The following ZFHX3 variants were observed in gnomAD, a reference collection of about 807,000 sequenced individuals.
ZFHX3 encodes the protein zinc finger homeobox protein 3.
ZFHX3 carries 42 observed loss-of-function variants against 279.1 expected under a neutral mutation model. The ratio of observed to expected loss-of-function variants is 0.15; its 90% confidence interval spans 0.12 to 0.19. ZFHX3 has a LOEUF of 0.19. ZFHX3 is among the 10% of genes least tolerant of loss of function. The pLI is 1.00. For synonymous variants in ZFHX3, 2,293 were observed against 1,957.8 expected (o/e 1.17, Z -4.52); for missense variants, 4,981 against 4,754.0 (o/e 1.05, Z -1.40).
At chr16:72,906,386 T>G (rs1369190242) in intron 3 of ZFHX3, among the ~76,000 whole-genome samples, 1 of 151,758 alleles carries the variant, frequency 6.6e-6, no homozygotes, top group African/African-American at 2.4e-5. Context: ...TGGGGGGGCA[T>G]GGGACCGGGG....
At chr16:73,592,755 A>G (rs1335787368) in intron 2 of ZFHX3, among the ~76,000 whole-genome samples, 1 of 152,112 alleles carries the variant, frequency 6.6e-6, no homozygotes, top group African/African-American at 2.4e-5. Flanking sequence ...TTTTAAATAG[A>G]GACAAATAGA....
At chr16:73,599,096 C>T (rs151322632) in intron 2 of ZFHX3, among the ~76,000 whole-genome samples, 14 of 152,332 alleles carry the variant, frequency 9.2e-5, no homozygotes, top group African/African-American at 3.4e-4. Context: ...TTTCTTCATA[C>T]TATCATAGTT....
At chr16:73,447,863 A>C (rs2018214440) in intron 3 of ZFHX3, among the ~76,000 whole-genome samples, 1 of 152,228 alleles carries the variant, frequency 6.6e-6, no homozygotes, top group Non-Finnish European at 1.5e-5. Context: ...GTCCTCTCAG[A>C]CTAAAGCTTT....
At chr16:73,738,774 C>T (rs1257875991) in intron 1 of ZFHX3, among the ~76,000 whole-genome samples, 1 of 152,168 alleles carries the variant, frequency 6.6e-6, no homozygotes, top group African/African-American at 2.4e-5. Flanking sequence ...CCAGTTTGCA[C>T]TCAAATTCAT....
intron 5 of ZFHX3, among the ~76,000 whole-genome samples, chr16:73,215,310 T>A (rs1327572688): frequency 6.6e-6 from 1 of 152,204 alleles, no homozygotes; most frequent in Non-Finnish European, 1.5e-5. Flanking sequence ...TCTACCCATT[T>A]TTCATGACAA....
intron 3 of ZFHX3, among the ~76,000 whole-genome samples, chr16:73,347,001 G>A (rs755542067): frequency 6.6e-6 from 1 of 152,164 alleles, no homozygotes; most frequent in East Asian, 1.9e-4. Context: ...TACAAGGGGA[G>A]GAAATTGAAG....
intron 3 of ZFHX3, among the ~76,000 whole-genome samples, chr16:73,379,210 G>C (rs1403482072): frequency 6.6e-6 from 1 of 152,174 alleles, no homozygotes; most frequent in East Asian, 1.9e-4. Context: ...TCATGGAGGA[G>C]TAAAGGTGTT....
chr16:73,195,654 T>C lies in ZFHX3; in HGVS notation c.-1103-51823A>G, dbSNP rs866432618. ...GGCTGGTCCTGAATTCCTGACCTTG[T>C]GATCCATCTGCCTTGGCCTTTCAAA... On this transcript the variant is annotated intron_variant, in intron 5 of 17. Coordinates refer to the ZFHX3 transcript ENST00000641206. Among the ~76,000 whole-genome samples, 29 of 152,230 alleles carry C rather than the reference T, an allele frequency of 1.9e-4. 1 individual carries two copies. The highest frequency in any genetic ancestry group is 5.2e-4 in the Admixed American group (8 of 15,284).
intron 3 of ZFHX3, among the ~76,000 whole-genome samples, chr16:73,366,726 GT>G (rs2016537841): frequency 6.6e-6 from 1 of 152,130 alleles, no homozygotes; most frequent in South Asian, 2.1e-4. Flanking sequence ...GCATGTGTGT[GT>G]GTGTGCGTGC....
At chr16:73,695,888 C>T (rs933827019) in intron 1 of ZFHX3, among the ~76,000 whole-genome samples, 3 of 151,994 alleles carry the variant, frequency 2.0e-5, no homozygotes, top group African/African-American at 7.3e-5. Context: ...GACTCAGCTG[C>T]GTAAGGGGCC....
chr16:72,986,525 C>T (rs1306340897), intron 1 of ZFHX3, among the ~76,000 whole-genome samples: 1 of 152,108 alleles, frequency 6.6e-6, no homozygotes, highest in Non-Finnish European at 1.5e-5. Context: ...GGCTTGGGTC[C>T]CAAGTTCTAT....
chr16:72,870,781 G>A (rs957895736), intron 4 of ZFHX3, among the ~76,000 whole-genome samples: 16 of 150,438 alleles, frequency 1.1e-4, no homozygotes, highest in Admixed American at 2.0e-4. Flanking sequence ...TGTGATCTAA[G>A]ATATTCTTTT....
At chr16:72,946,751 C>T (rs987384842) in intron 3 of ZFHX3, among the ~76,000 whole-genome samples, 1 of 152,156 alleles carries the variant, frequency 6.6e-6, no homozygotes, top group Admixed American at 6.5e-5. Flanking sequence ...CAGTGACAGC[C>T]GCTCTCCTAG....
intron 8 of ZFHX3, 33 bp downstream of exon 8, chr16:72,799,994 C>T: frequency 6.3e-7 from 1 of 1,596,332 alleles, no homozygotes; most frequent in Non-Finnish European, 8.6e-7. Context: ...CATCTTGTTT[C>T]AATTTCTTGG....
intron 2 of ZFHX3, among the ~76,000 whole-genome samples, chr16:73,656,016 T>A (rs2052717997): frequency 6.6e-6 from 1 of 152,242 alleles, no homozygotes; most frequent in African/African-American, 2.4e-5. Context: ...GGTGTAATTA[T>A]AGAGTGGAGT....
chr16:73,177,898 C>T (rs1178931688), intron 5 of ZFHX3, among the ~76,000 whole-genome samples: 6 of 152,126 alleles, frequency 3.9e-5, no homozygotes, highest in African/African-American at 4.8e-5. Flanking sequence ...TGTGGAGGCG[C>T]GGTAGGGAAA....
intron 2 of ZFHX3, among the ~76,000 whole-genome samples, chr16:73,493,633 C>T (rs1484821586): frequency 1.3e-5 from 2 of 152,202 alleles, no homozygotes; most frequent in Non-Finnish European, 2.9e-5. Flanking sequence ...TCCAGCCACA[C>T]AGCAGAGCAG....
At chr16:73,113,798 T>TTC (rs917108287) in intron 7 of ZFHX3, among the ~76,000 whole-genome samples, 6 of 145,672 alleles carry the variant, frequency 4.1e-5, no homozygotes, top group African/African-American at 1.5e-4. Flanking sequence ...GGAAACTTTT[T>TTC]TTTTTTTTTT....
chr16:73,232,415 C>T (rs924630739), intron 5 of ZFHX3: 1 of 152,172 alleles, frequency 6.6e-6, no homozygotes, highest in African/African-American at 2.4e-5. Context: ...GCGAGAGGGA[C>T]CCAGCTCTTG....
Sources: gnomAD v4.1 joint callset for allele counts (sites outside exome capture counted in the v4.1 genomes callset) on GRCh38, gnomAD v4.1.1 for gene constraint, MANE v1.5 for transcripts, NCBI Gene and HGNC (gene_info 2026-07-23, HGNC 2026-07-21) for gene names.